The following GPC6 variants were observed in gnomAD, a reference collection of about 807,000 sequenced individuals.
GPC6 encodes glypican-6.
A neutral mutation model predicts 55.2 loss-of-function variants in GPC6; 14 were observed. The observed-to-expected ratio is 0.25, with a 90% CI of 0.17 to 0.40. The LOEUF is 0.40. Ranked by LOEUF, GPC6 falls within the 10% of genes least tolerant of loss-of-function variation. GPC6 has a pLI of 1.00. For synonymous variants in GPC6, 278 were observed against 259.6 expected (o/e 1.07, Z -0.68); for missense variants, 641 against 708.5 (o/e 0.90, Z 1.08).
intron 4 of GPC6, among the ~76,000 whole-genome samples, chr13:94,166,502 T>A (rs1444573266): frequency 1.3e-5 from 2 of 152,166 alleles, no homozygotes; most frequent in Non-Finnish European, 2.9e-5. Context: ...TTAGAAGTCA[T>A]CTCTCTGTCA....
At chr13:94,125,392 T>C (rs1165063592) in intron 4 of GPC6, among the ~76,000 whole-genome samples, 1 of 152,070 alleles carries the variant, frequency 6.6e-6, no homozygotes, top group Non-Finnish European at 1.5e-5. Context: ...AAAGGTGCCA[T>C]GTGCATTTTT....
At chr13:94,314,096 C>T (rs1302467437) in intron 6 of GPC6, among the ~76,000 whole-genome samples, 1 of 152,150 alleles carries the variant, frequency 6.6e-6, no homozygotes, top group East Asian at 1.9e-4. Flanking sequence ...CTGGCGTCAT[C>T]AAAAGGCAAG....
At chr13:94,081,966 A>G (rs924131535) in intron 4 of GPC6, among the ~76,000 whole-genome samples, 4 of 150,710 alleles carry the variant, frequency 2.7e-5, no homozygotes, top group African/African-American at 9.8e-5. Flanking sequence ...TCAGCCTCCC[A>G]AGTAGCTGGG....
At chr13:93,840,780 T>G (rs1035581343) in intron 3 of GPC6, among the ~76,000 whole-genome samples, 10 of 152,102 alleles carry the variant, frequency 6.6e-5, no homozygotes, top group Non-Finnish European at 1.5e-4. Context: ...GAGACGTCTT[T>G]GTTACTAATA....
chr13:94,350,078 T>TGTGTGTGTGTGTGTGTGTGG (rs1878469008), intron 6 of GPC6, among the ~76,000 whole-genome samples: 1 of 150,920 alleles, frequency 6.6e-6, no homozygotes, highest in African/African-American at 2.4e-5. Flanking sequence ...ATATCTTTTG[T>TGTGTGTGTGTGTGTGTGTGG]GTGTGTGTGT....
intron 6 of GPC6, among the ~76,000 whole-genome samples, chr13:94,318,207 G>A (rs991441998): frequency 6.6e-6 from 1 of 152,066 alleles, no homozygotes; most frequent in African/African-American, 2.4e-5. Flanking sequence ...TGTCTTATCT[G>A]TTTGCTCTAT....
At chr13:93,565,702 T>A (rs897696097) in intron 2 of GPC6, among the ~76,000 whole-genome samples, 2 of 152,064 alleles carry the variant, frequency 1.3e-5, no homozygotes, top group Admixed American at 1.3e-4. Flanking sequence ...AGCAGGTGGA[T>A]CACGAGGTCA....
chr13:94,303,375 C>G (rs971932261), intron 5 of GPC6, among the ~76,000 whole-genome samples: 7 of 152,162 alleles, frequency 4.6e-5, no homozygotes, highest in Non-Finnish European at 7.3e-5. Context: ...AAGTTGCAAG[C>G]CTCGTGTTTA....
chr13:93,355,894 CT>C (rs1028059996), intron 1 of GPC6, among the ~76,000 whole-genome samples: 1 of 151,884 alleles, frequency 6.6e-6, no homozygotes. Flanking sequence ...AGAAATAGGC[CT>C]TGGTAGTGGT....
At chr13:93,411,791 A>C (rs1057067314) in intron 1 of GPC6, among the ~76,000 whole-genome samples, 1 of 152,078 alleles carries the variant, frequency 6.6e-6, no homozygotes, top group Non-Finnish European at 1.5e-5. Flanking sequence ...ACCTGAGGTC[A>C]GGAGTTAGAG....
intron 2 of GPC6, among the ~76,000 whole-genome samples, chr13:93,735,714 C>A (rs1209563604): frequency 2.6e-5 from 4 of 152,142 alleles, no homozygotes; most frequent in Non-Finnish European, 4.4e-5. Flanking sequence ...AAATAATAAT[C>A]ACTACCTGTA....
intron 1 of GPC6, among the ~76,000 whole-genome samples, chr13:93,276,914 C>G (rs1011262319): frequency 6.6e-6 from 1 of 152,170 alleles, no homozygotes; most frequent in Non-Finnish European, 1.5e-5. Context: ...TTTCTATTTT[C>G]TGTCCATTTA....
intron 2 of GPC6, among the ~76,000 whole-genome samples, chr13:93,693,212 T>C (rs1230994966): frequency 6.6e-6 from 1 of 152,162 alleles, no homozygotes; most frequent in Non-Finnish European, 1.5e-5. Flanking sequence ...TTAAGAATTA[T>C]ACATGTATCA....
chr13:94,306,876 T>C (rs1875975554), intron 6 of GPC6, among the ~76,000 whole-genome samples: 1 of 152,244 alleles, frequency 6.6e-6, no homozygotes, highest in African/African-American at 2.4e-5. Context: ...ATACCTACAA[T>C]TGTTAGTGCT....
intron 6 of GPC6, among the ~76,000 whole-genome samples, chr13:94,363,354 A>C (rs369909719): frequency 6.6e-6 from 1 of 152,186 alleles, no homozygotes; most frequent in African/African-American, 2.4e-5. Flanking sequence ...AAACTGAAGC[A>C]ATTCTAGACA....
At chr13:94,376,751 A>G (rs1210571731) in intron 6 of GPC6, among the ~76,000 whole-genome samples, 10 of 152,212 alleles carry the variant, frequency 6.6e-5, no homozygotes, top group Admixed American at 6.5e-4. Context: ...AGACAATCCT[A>G]AGCCAAAAGA....
Position 94,350,212 on chromosome 13 carries a change from T to C in GPC6, c.1153-32202T>C, listed in dbSNP as rs147099565. On this transcript the variant is annotated intron_variant, in intron 6 of 8. Coordinates refer to ENST00000377047, the MANE Select transcript of GPC6 (RefSeq NM_005708.5). ...TGCCCCTGTCAGTGGAAGTCCTTCC[T>C]GTCAGAGCCAATTGCCAAGGCAGAG... Among the ~76,000 whole-genome samples, 500 of 152,258 alleles carry C rather than the reference T, an allele frequency of 3.3e-3. 2 individuals are homozygous for C. The highest frequency in any genetic ancestry group is 0.011 in the African/African-American group (476 of 41,524).
intron 2 of GPC6, among the ~76,000 whole-genome samples, chr13:93,658,994 G>A (rs945670036): frequency 6.6e-6 from 1 of 151,852 alleles, no homozygotes; most frequent in African/African-American, 2.4e-5. Flanking sequence ...TAAAAGCATA[G>A]AGAATTTTCT....
chr13:93,219,584 A>T, the GPC6 span, among the ~76,000 whole-genome samples: 1 of 152,250 alleles, frequency 6.6e-6, no homozygotes, highest in Admixed American at 6.5e-5. Context: ...CAAAATTTTC[A>T]CTCTAATTTT....
Sources: allele counts gnomAD v4.1 joint callset (sites outside exome capture counted in the v4.1 genomes callset), GRCh38; gene constraint gnomAD v4.1.1; transcripts MANE v1.5; gene names NCBI Gene and HGNC (gene_info 2026-07-23, HGNC 2026-07-21).